The following FBXW7 variants were observed in gnomAD, a reference collection of about 807,000 sequenced individuals.
FBXW7 encodes the protein F-box and WD repeat domain containing 7.
A neutral mutation model predicts 86.3 loss-of-function variants in FBXW7; 11 were observed. That is an observed-to-expected ratio of 0.13 (90% confidence interval 0.08 to 0.21). The LOEUF is 0.21. Among genes scored for constraint, FBXW7 ranks in the 10% least tolerant of loss-of-function variants. FBXW7 has a pLI of 1.00. For missense variants in FBXW7, 488 were observed against 847.4 expected, an observed-to-expected ratio of 0.58 and a Z score of 5.27; for synonymous variants, 313 against 297.9, an observed-to-expected ratio of 1.05 and a Z score of -0.52.
At chr4:152,428,165 T>C (rs1215911590) in intron 2 of FBXW7, among the ~76,000 whole-genome samples, 1 of 152,196 alleles carries the variant, frequency 6.6e-6, no homozygotes, top group African/African-American at 2.4e-5. Flanking sequence ...ACTGCTGGTC[T>C]CGTTTCTACT....
At chr4:152,360,551 C>T (rs1185465729) in intron 4 of FBXW7, among the ~76,000 whole-genome samples, 1 of 152,038 alleles carries the variant, frequency 6.6e-6, no homozygotes, top group African/African-American at 2.4e-5. Flanking sequence ...TCATCTTGTT[C>T]TACCCCAGCC....
chr4:152,440,198 AT>A (rs1236906198), intron 2 of FBXW7, among the ~76,000 whole-genome samples: 3 of 152,026 alleles, frequency 2.0e-5, no homozygotes, highest in Admixed American at 1.3e-4. Flanking sequence ...TTCTAAAAAA[AT>A]TTTTTTTCAG....
chr4:152,370,770 T>C (rs1031603696), intron 4 of FBXW7, among the ~76,000 whole-genome samples: 1 of 151,932 alleles, frequency 6.6e-6, no homozygotes, highest in Non-Finnish European at 1.5e-5. Flanking sequence ...TATGGTTCGA[T>C]AGCTCTGAAA....
chr4:152,423,778 C>T (rs1184398020), intron 2 of FBXW7, among the ~76,000 whole-genome samples: 1 of 151,830 alleles, frequency 6.6e-6, no homozygotes, highest in African/African-American at 2.4e-5. Context: ...AAAGGAAAAA[C>T]TAATCTATGG....
intron 4 of FBXW7, among the ~76,000 whole-genome samples, chr4:152,371,585 A>C (rs1734008792): frequency 6.6e-6 from 1 of 152,036 alleles, no homozygotes; most frequent in South Asian, 2.1e-4. Context: ...ATACATATGA[A>C]AAAACTATAA....
chr4:152,377,506 C>G (rs930062609), intron 4 of FBXW7, among the ~76,000 whole-genome samples: 6 of 151,776 alleles, frequency 4.0e-5, no homozygotes, highest in South Asian at 2.1e-4. Context: ...AATCCCAGCC[C>G]TCTGGGAGAC....
At chr4:152,483,159 C>T (rs1745034732) in intron 2 of FBXW7, among the ~76,000 whole-genome samples, 1 of 152,034 alleles carries the variant, frequency 6.6e-6, no homozygotes, top group Admixed American at 6.6e-5. Context: ...TATCTTTATG[C>T]ATATTTCTAT....
chr4:152,362,838 A>AC (rs1733107546), intron 4 of FBXW7, among the ~76,000 whole-genome samples: 1 of 151,476 alleles, frequency 6.6e-6, no homozygotes, highest in Non-Finnish European at 1.5e-5. Flanking sequence ...CAAAAAAAAA[A>AC]AAAAAAAAAA....
At chr4:152,398,584 C>T (rs1215031157) in intron 4 of FBXW7, among the ~76,000 whole-genome samples, 1 of 151,748 alleles carries the variant, frequency 6.6e-6, no homozygotes, top group African/African-American at 2.4e-5. Context: ...GAATCTAAGG[C>T]AAATTTCAAA....
At chr4:152,377,035 T>C (rs1293067486) in intron 4 of FBXW7, among the ~76,000 whole-genome samples, 1 of 152,214 alleles carries the variant, frequency 6.6e-6, no homozygotes, top group Non-Finnish European at 1.5e-5. Context: ...TTTGAAACTT[T>C]GTATTGTCTC....
intron 2 of FBXW7, among the ~76,000 whole-genome samples, chr4:152,486,385 G>A (rs188951872): frequency 2.0e-5 from 3 of 152,132 alleles, no homozygotes; most frequent in East Asian, 1.9e-4. Flanking sequence ...AACATTTAGC[G>A]TAAAACTAAC....
chr4:152,400,466 C>T (rs893773822), intron 4 of FBXW7, among the ~76,000 whole-genome samples: 18 of 151,932 alleles, frequency 1.2e-4, no homozygotes, highest in African/African-American at 3.4e-4. Context: ...CTCAGCCTCT[C>T]GGGTTGCTAA....
chr4:152,394,792 G>A (rs1265449547), intron 4 of FBXW7, among the ~76,000 whole-genome samples: 2 of 151,994 alleles, frequency 1.3e-5, no homozygotes, highest in Non-Finnish European at 2.9e-5. Context: ...ACACTATGTG[G>A]TAGATGCTAC....
chr4:152,366,823 A>G (rs1342184258), intron 4 of FBXW7, among the ~76,000 whole-genome samples: 11 of 152,216 alleles, frequency 7.2e-5, no homozygotes, highest in Non-Finnish European at 1.3e-4. Context: ...AGACACATGC[A>G]CACGTATGTT....
At chr4:152,329,879 G>C (rs1729391706) in intron 9 of FBXW7, 94 bp from the exon 10 acceptor site, 1 of 544,982 alleles carries the variant, frequency 1.8e-6, no homozygotes, top group Non-Finnish European at 3.0e-6. Context: ...AACAGGAACA[G>C]TAATTTGTAG....
At chr4:152,469,522 G>T (rs1015320210) in intron 2 of FBXW7, among the ~76,000 whole-genome samples, 1 of 152,064 alleles carries the variant, frequency 6.6e-6, no homozygotes, top group Non-Finnish European at 1.5e-5. Flanking sequence ...ACAGTATTTG[G>T]TTCATGTTGG....
chr4:152,475,538 AGAAAG>A (rs1744319035), intron 2 of FBXW7, among the ~76,000 whole-genome samples: 1 of 152,374 alleles, frequency 6.6e-6, no homozygotes, highest in Non-Finnish European at 1.5e-5. Flanking sequence ...AGTGCAATTA[AGAAAG>A]GAAATGAAAT....
intron 2 of FBXW7, among the ~76,000 whole-genome samples, chr4:152,524,750 T>TA (rs760539021): frequency 5.3e-5 from 8 of 151,856 alleles, no homozygotes; most frequent in East Asian, 1.9e-4. Context: ...TCATTTATTT[T>TA]AAAAAAAAGG....
chr4:152,481,220 T>A (rs543197738), intron 2 of FBXW7, among the ~76,000 whole-genome samples: 1 of 152,324 alleles, frequency 6.6e-6, no homozygotes, highest in Non-Finnish European at 1.5e-5. Flanking sequence ...CTACTCTGGC[T>A]TGTGCAGTAC....
Sources: gnomAD v4.1 joint callset for allele counts (sites outside exome capture counted in the v4.1 genomes callset) on GRCh38, gnomAD v4.1.1 for gene constraint, MANE v1.5 for transcripts, NCBI Gene and HGNC (gene_info 2026-07-23, HGNC 2026-07-21) for gene names.